MXI1: variants seen among roughly 807,000 people sequenced by gnomAD.
MXI1 encodes max-interacting protein 1.
MXI1 carries 18 observed loss-of-function variants against 36.9 expected under a neutral mutation model. The ratio of observed to expected loss-of-function variants is 0.49; its 90% CI spans 0.34 to 0.72. The LOEUF is 0.72. Ranked by LOEUF, MXI1 falls within the 30% of genes least tolerant of loss-of-function variation. MXI1 has a pLI of 0.01. For missense variants in MXI1, 304 were observed against 379.1 expected, an observed-to-expected ratio of 0.80 and a Z score of 1.64; for synonymous variants, 160 against 146.7, an observed-to-expected ratio of 1.09 and a Z score of -0.65.
At chr10:110,255,560 A>G (rs1037765111) in intron 3 of MXI1, among the ~76,000 whole-genome samples, 1 of 152,226 alleles carries the variant, frequency 6.6e-6, no homozygotes, top group African/African-American at 2.4e-5. Context: ...AATTACATGT[A>G]CAATAGCATC....
At chr10:110,208,176 C>G (rs888602835) in intron 1 of MXI1, 94 bp downstream of exon 1, 59 of 1,332,056 alleles carry the variant, frequency 4.4e-5, no homozygotes, top group South Asian at 6.7e-5. Flanking sequence ...CCGTCCCCCC[C>G]CCGCCCAACA....
At chr10:110,234,932 A>G (rs1053489585) in intron 2 of MXI1, among the ~76,000 whole-genome samples, 1 of 152,210 alleles carries the variant, frequency 6.6e-6, no homozygotes, top group African/African-American at 2.4e-5. Context: ...CTACCAGGTG[A>G]ACTAGTTATT....
intron 1 of MXI1, chr10:110,210,332 T>A: frequency 3.7e-5 from 36 of 977,634 alleles, no homozygotes; most frequent in Non-Finnish European, 4.4e-5. Flanking sequence ...AATAAGTCCC[T>A]CGGCCCCGCA....
intron 2 of MXI1, among the ~76,000 whole-genome samples, chr10:110,242,867 G>C (rs1455559847): frequency 7.9e-6 from 1 of 127,278 alleles, no homozygotes; most frequent in Non-Finnish European, 1.7e-5. Flanking sequence ...CAAATAGTCT[G>C]CTCTTCTCTA....
chr10:110,246,507 C>T (rs1564715335), intron 3 of MXI1, among the ~76,000 whole-genome samples: 1 of 152,140 alleles, frequency 6.6e-6, no homozygotes, highest in African/African-American at 2.4e-5. Context: ...AAAGGCTTAG[C>T]ATAGTTTTTC....
At chr10:110,236,414 A>C (rs953759882) in intron 2 of MXI1, among the ~76,000 whole-genome samples, 1 of 152,000 alleles carries the variant, frequency 6.6e-6, no homozygotes, top group African/African-American at 2.4e-5. Context: ...CTTCTTTTTC[A>C]AAAGTTCCTT....
intron 1 of MXI1, among the ~76,000 whole-genome samples, chr10:110,219,581 A>G (rs768392171): frequency 6.6e-6 from 1 of 152,152 alleles, no homozygotes; most frequent in Non-Finnish European, 1.5e-5. Flanking sequence ...GTTTGAGAAG[A>G]TGTCTTAAAC....
intron 3 of MXI1, among the ~76,000 whole-genome samples, chr10:110,262,368 AT>A (rs1398373112): frequency 6.6e-6 from 1 of 152,084 alleles, no homozygotes; most frequent in Non-Finnish European, 1.5e-5. Context: ...GGACTTCAGC[AT>A]TTGGGGATTT....
chr10:110,261,123 A>G (rs1252134266), intron 3 of MXI1: 2 of 985,118 alleles, frequency 2.0e-6, no homozygotes, highest in Non-Finnish European at 2.4e-6. Flanking sequence ...TCTATAAACA[A>G]TCTGAAGAGA....
intron 1 of MXI1, among the ~76,000 whole-genome samples, chr10:110,220,159 G>A (rs1170190973): frequency 1.3e-5 from 2 of 152,198 alleles, no homozygotes; most frequent in African/African-American, 4.8e-5. Context: ...GTTCCAATCT[G>A]TTCATAGCCT....
chr10:110,268,162 A>C (rs1357326105), intron 3 of MXI1, among the ~76,000 whole-genome samples: 1 of 152,192 alleles, frequency 6.6e-6, no homozygotes, highest in African/African-American at 2.4e-5. Context: ...TAACAAAATA[A>C]AACATGTTCC....
intron 3 of MXI1, among the ~76,000 whole-genome samples, chr10:110,264,050 C>T (rs796499426): frequency 2.6e-5 from 4 of 151,886 alleles, no homozygotes; most frequent in African/African-American, 7.3e-5. Flanking sequence ...TCATCTGGAG[C>T]CATTTTTCTG....
intron 2 of MXI1, among the ~76,000 whole-genome samples, chr10:110,241,184 C>T (rs1003762123): frequency 2.6e-5 from 4 of 151,790 alleles, no homozygotes; most frequent in Non-Finnish European, 4.4e-5. Flanking sequence ...ATGCTGTTTG[C>T]GAAAAAGATT....
intron 5 of MXI1, among the ~76,000 whole-genome samples, chr10:110,283,264 CTT>C (rs573643785): frequency 4.2e-5 from 6 of 143,998 alleles, no homozygotes; most frequent in African/African-American, 2.5e-5. Flanking sequence ...CAAGAATCCA[CTT>C]TTTTTTTTTT....
At chr10:110,210,696 C>A (rs1854489721) in intron 1 of MXI1, among the ~76,000 whole-genome samples, 1 of 152,250 alleles carries the variant, frequency 6.6e-6, no homozygotes, top group Admixed American at 6.5e-5. Flanking sequence ...AAACGGCGGG[C>A]CCTACATCTG....
intron 3 of MXI1, among the ~76,000 whole-genome samples, chr10:110,263,177 A>G (rs1042358658): frequency 1.3e-5 from 2 of 152,218 alleles, no homozygotes; most frequent in Non-Finnish European, 2.9e-5. Flanking sequence ...GGCCAAGTCA[A>G]ATAAATAGCT....
In MXI1 at chr10:110,285,221, C is replaced by A. The variant is rs1857399850; in HGVS notation, c.*234C>A. The A allele has an allele frequency of 5.5e-6, 2 of 360,428 alleles. No individual in the cohort carries two copies. The highest frequency in any genetic ancestry group is 9.8e-6 in the Non-Finnish European group (2 of 203,882). 22.3% of individuals were successfully genotyped at this position (360,428 alleles called of 1,614,324 possible). A position where few individuals can be genotyped will look rare whatever the true frequency, so the allele number is the denominator to read the frequency against. ...TTCAGAATATTCATATTGGAAAAAT[C>A]ACAATTTTTAATGGCAGCAGAAAAC... On this transcript the variant is annotated 3_prime_UTR_variant, in exon 6 of 6. Transcript: ENST00000332674.
chr10:110,228,095 A>G lies in MXI1; in HGVS notation c.275-94A>G, dbSNP rs1394021409. On this transcript the variant is annotated intron_variant, in intron 1 of 5. Transcript: ENST00000332674. ...ACATTTTACCTCTTTTCCTGCTTTCAAAAACCTGTTACTGCAAAGACCTCG... is the reference window on the plus strand; with the variant it reads ...ACATTTTACCTCTTTTCCTGCTTTCGAAAACCTGTTACTGCAAAGACCTCG... 3.5e-6 allele frequency: 5 copies of G among 1,437,214 alleles called. No homozygotes were observed. The African/African-American group carries it at 5.6e-5, about 16-fold the overall frequency. The allele number at this position is 1,437,214 out of a possible 1,614,324, so 89.0% of individuals were successfully genotyped here.
chr10:110,262,879 G>A (rs1305738664), intron 3 of MXI1, among the ~76,000 whole-genome samples: 1 of 152,058 alleles, frequency 6.6e-6, no homozygotes, highest in Non-Finnish European at 1.5e-5. Flanking sequence ...TTCACAAAGT[G>A]TTTCCTGATT....
Sources: gnomAD v4.1 joint callset for allele counts (sites outside exome capture counted in the v4.1 genomes callset) on GRCh38, gnomAD v4.1.1 for gene constraint, MANE v1.5 for transcripts, NCBI Gene and HGNC (gene_info 2026-07-23, HGNC 2026-07-21) for gene names.